The following RYR3 variants were observed in gnomAD, a reference collection of about 807,000 sequenced individuals.
RYR3 encodes the protein brain ryanodine receptor-calcium release channel.
In RYR3, 207 loss-of-function variants were observed where a neutral mutation model predicts 584.3. That is an observed-to-expected ratio of 0.35 (90% CI 0.32 to 0.40). RYR3 has a LOEUF of 0.40. Ranked by LOEUF, RYR3 falls within the 10% of genes least tolerant of loss-of-function variation. RYR3 has a pLI of 1.00. For missense variants in RYR3, 5,616 were observed against 6,089.2 expected (o/e 0.92, Z 2.59); for synonymous variants, 2,416 against 2,248.5 (o/e 1.07, Z -2.11).
chr15:33,430,761 C>A (rs963088310), intron 1 of RYR3, among the ~76,000 whole-genome samples: 6 of 152,180 alleles, frequency 3.9e-5, no homozygotes, highest in Non-Finnish European at 7.3e-5. Flanking sequence ...TTGCTTATCA[C>A]GTTGCTCATT....
intron 3 of RYR3, 118 bp downstream of exon 3, chr15:33,503,856 T>A: frequency 1.5e-6 from 1 of 648,752 alleles, no homozygotes; most frequent in Non-Finnish European, 2.8e-6. Flanking sequence ...ATGATTCATA[T>A]GGAGATAGTA....
chr15:33,813,354 A>G (rs2075697626), intron 73 of RYR3, 113 bp from the exon 74 acceptor site: 2 of 876,556 alleles, frequency 2.3e-6, no homozygotes, highest in Non-Finnish European at 1.9e-6. Context: ...TTTGCTAACT[A>G]CAGTTGAGAA....
intron 19 of RYR3, among the ~76,000 whole-genome samples, chr15:33,620,153 A>G (rs779572364): frequency 2.0e-5 from 3 of 152,076 alleles, no homozygotes; most frequent in Non-Finnish European, 4.4e-5. Context: ...ATAGCCTTCT[A>G]GGGAGCACAG....
At position 33,658,690 on chromosome 15, in the gene RYR3, T is replaced by A. The variant is rs556387503; in HGVS notation, c.4309-1030T>A. On this transcript the variant is annotated intron_variant, in intron 32 of 103. Transcript: ENST00000634891. ...TGAGCAGACTTTATGTAGTCTTCCATCATCCTCCAGTGACTTTCTTGAAAA... is the reference window on the plus strand; with the variant it reads ...TGAGCAGACTTTATGTAGTCTTCCAACATCCTCCAGTGACTTTCTTGAAAA... 1.2e-4 allele frequency among the ~76,000 whole-genome samples: 18 copies of A among 152,334 alleles called. No homozygotes were observed. In the South Asian group the frequency reaches 3.7e-3, roughly 32 times the overall value.
At chr15:33,500,524 G>A (rs1258099066) in intron 2 of RYR3, among the ~76,000 whole-genome samples, 2 of 152,144 alleles carry the variant, frequency 1.3e-5, no homozygotes, top group East Asian at 3.9e-4. Context: ...CAGGGCCCTG[G>A]CCTCTCAAGG....
At chr15:33,812,453 T>C (rs1210215303) in intron 72 of RYR3, among the ~76,000 whole-genome samples, 1 of 152,196 alleles carries the variant, frequency 6.6e-6, no homozygotes. Context: ...TTGGATGTTA[T>C]ATTTTTAAAA....
At chr15:33,484,288 GAAGAA>G (rs67273591) in intron 2 of RYR3, among the ~76,000 whole-genome samples, 67,048 of 151,532 alleles carry the variant, frequency 0.44, 15,583 homozygotes, top group Non-Finnish European at 0.52. Flanking sequence ...TCTAGGAAGA[GAAGAA>G]AAGGGCCCTA....
At chr15:33,702,556 G>C (rs1181498403) in intron 42 of RYR3, among the ~76,000 whole-genome samples, 1 of 152,182 alleles carries the variant, frequency 6.6e-6, no homozygotes, top group Non-Finnish European at 1.5e-5. Context: ...CCGGCGATGA[G>C]TTTGGGGTCT....
Position 33,865,804 on chromosome 15 carries a change from A to AAGTTTTTTATGTTTGTGTTCC in RYR3, c.*581_*601dup, listed in dbSNP as rs1555501304. 1 of 152,788 alleles carries AAGTTTTTTATGTTTGTGTTCC rather than the reference A, an allele frequency of 6.5e-6. No homozygotes were observed. Among genetic ancestry groups the AAGTTTTTTATGTTTGTGTTCC allele is most frequent in the African/African-American group, 2.4e-5 (1 of 41,448 alleles). 9.5% of individuals were successfully genotyped at this position (152,788 alleles called of 1,614,324 possible). A position where few individuals can be genotyped will look rare whatever the true frequency, so the allele number is the denominator to read the frequency against. On this transcript the variant is annotated 3_prime_UTR_variant, in exon 104 of 104. Coordinates refer to ENST00000634891, the MANE Select transcript of RYR3 (RefSeq NM_001036.6). Reference sequence around the variant, plus strand: ...AAAACCTCTTTAGACATAGCTATGCAAGTTTTTTATGTTTGTGTTCCAGAA... The same window carrying AAGTTTTTTATGTTTGTGTTCC: ...AAAACCTCTTTAGACATAGCTATGCAAGTTTTTTATGTTTGTGTTCCAGTTTTTTATGTTTGTGTTCCAGAA...
intron 95 of RYR3, 142 bp downstream of exon 95, chr15:33,853,229 T>C: frequency 1.1e-6 from 1 of 897,512 alleles, no homozygotes; most frequent in South Asian, 1.9e-5. Context: ...CAGAAGGGGT[T>C]GGATATGAAC....
Position 33,748,178 on chromosome 15 carries a change from C to T in RYR3, c.8054C>T (p.Thr2685Ile). ...SLKTMLAVGW[T>I]VERTKEGEAL... Reference sequence around the variant, plus strand: ...AAAACCATGCTGGCTGTGGGCTGGACTGTGGAGAGGACCAAAGAGGGAGAA... The same window carrying T: ...AAAACCATGCTGGCTGTGGGCTGGATTGTGGAGAGGACCAAAGAGGGAGAA... Residue 2685 changes from threonine to isoleucine, a missense_variant, in exon 54 of 104, where the codon ACT becomes ATT. Transcript: ENST00000634891. 6.2e-7 allele frequency: 1 copy of T among 1,613,884 alleles called. No homozygotes were observed. Among genetic ancestry groups the T allele is most frequent in the Non-Finnish European group, 8.5e-7 (1 of 1,179,802 alleles).
rs142906078 is a variant in RYR3 at position 33,405,804 on chromosome 15, G to A, written c.52-67615G>A. Among the ~76,000 whole-genome samples, 1,114 of 152,272 alleles carry A rather than the reference G, an allele frequency of 7.3e-3. 7 individuals are homozygous for A. The highest frequency in any genetic ancestry group is 0.012 in the Non-Finnish European group (848 of 68,008). ...CAGTTAATCTAACGATTTAGACAAT[G>A]TCATTAGGACTCTGCTCTGCTTCCC... On this transcript the variant is annotated intron_variant, in intron 1 of 103. Coordinates refer to ENST00000634891, the MANE Select transcript of RYR3 (RefSeq NM_001036.6).
chr15:33,809,018 A>G (rs1205878619), intron 70 of RYR3, among the ~76,000 whole-genome samples: 2 of 152,194 alleles, frequency 1.3e-5, no homozygotes, highest in Non-Finnish European at 2.9e-5. Context: ...AGCCGCCACA[A>G]GTGCTGAAAG....
intron 48 of RYR3, among the ~76,000 whole-genome samples, chr15:33,735,760 T>C (rs1005010482): frequency 4.6e-5 from 7 of 152,206 alleles, no homozygotes; most frequent in African/African-American, 1.4e-4. Context: ...ATGATTCCAG[T>C]AGTGAGAATT....
intron 15 of RYR3, 65 bp downstream of exon 15, chr15:33,584,555 A>G: frequency 2.7e-6 from 2 of 738,078 alleles, no homozygotes; most frequent in East Asian, 5.5e-5. Flanking sequence ...TCTGTAAAAA[A>G]AGAAAACAAA....
At chr15:33,792,635 A>G (rs111847846) in intron 67 of RYR3, among the ~76,000 whole-genome samples, 3 of 152,224 alleles carry the variant, frequency 2.0e-5, no homozygotes, top group Non-Finnish European at 2.9e-5. Flanking sequence ...TCTTTCCCCA[A>G]TGTTCGTTTG....
chr15:33,326,698 G>A (rs1235443607), intron 1 of RYR3, among the ~76,000 whole-genome samples: 1 of 150,700 alleles, frequency 6.6e-6, no homozygotes, highest in Non-Finnish European at 1.5e-5. Flanking sequence ...AGTGTAGGGA[G>A]GTACATGGAA....
chr15:33,530,741 G>T, intron 4 of RYR3, 75 bp downstream of exon 4: 1 of 1,095,232 alleles, frequency 9.1e-7, no homozygotes. Flanking sequence ...CAGGAAGCCA[G>T]CAATAACAAC....
chr15:33,318,918 A>C (rs1430270763), intron 1 of RYR3, among the ~76,000 whole-genome samples: 1 of 152,220 alleles, frequency 6.6e-6, no homozygotes, highest in Non-Finnish European at 1.5e-5. Flanking sequence ...CGTCACTCAT[A>C]CTAATCCCAA....
Sources: gnomAD v4.1 joint callset for allele counts (sites outside exome capture counted in the v4.1 genomes callset) on GRCh38, gnomAD v4.1.1 for gene constraint, MANE v1.5 for transcripts, NCBI Gene and HGNC (gene_info 2026-07-23, HGNC 2026-07-21) for gene names.